Variants in PDE4D observed in about 807,000 individuals in gnomAD.
PDE4D encodes phosphodiesterase 4D, also known as 3',5'-cyclic-AMP phosphodiesterase 4D.
PDE4D carries 24 observed loss-of-function variants against 87.4 expected under a neutral mutation model. The observed-to-expected ratio is 0.27, with a 90% CI of 0.20 to 0.39. The LOEUF (loss-of-function observed/expected upper bound fraction) is 0.39. Among genes scored for constraint, PDE4D ranks in the 10% least tolerant of loss-of-function variants. The pLI is 1.00. For missense variants in PDE4D, 714 were observed against 1,041.0 expected (o/e 0.69, Z 4.32); for synonymous variants, 384 against 383.2 (o/e 1.00, Z -0.02).
intron 1 of PDE4D, among the ~76,000 whole-genome samples, chr5:60,307,044 T>C (rs1413732130): frequency 2.0e-5 from 3 of 152,106 alleles, no homozygotes; most frequent in Non-Finnish European, 2.9e-5. Context: ...ACAAACCTAA[T>C]ACCATACCTG....
intron 1 of PDE4D, among the ~76,000 whole-genome samples, chr5:59,516,463 A>C (rs1811170345): frequency 6.6e-6 from 1 of 152,228 alleles, no homozygotes; most frequent in South Asian, 2.1e-4. Context: ...ATGGACGAAG[A>C]TAACAGTCTA....
intron 1 of PDE4D, among the ~76,000 whole-genome samples, chr5:59,360,581 A>C (rs137902167): frequency 9.7e-4 from 148 of 152,332 alleles, no homozygotes; most frequent in African/African-American, 3.4e-3. Flanking sequence ...ATTCAGTACA[A>C]GTAAATGTAA....
intron 1 of PDE4D, among the ~76,000 whole-genome samples, chr5:59,301,273 A>G (rs1770195833): frequency 6.6e-6 from 1 of 152,148 alleles, no homozygotes; most frequent in South Asian, 2.1e-4. Flanking sequence ...ACCCAACATT[A>G]TAACAAAAGA....
intron 1 of PDE4D, among the ~76,000 whole-genome samples, chr5:59,220,884 A>G (rs2153509681): frequency 6.6e-6 from 1 of 152,134 alleles, no homozygotes; most frequent in African/African-American, 2.4e-5. Context: ...CCAAGCAAAA[A>G]ACTAGAAGTT....
chr5:59,214,346 G>C (rs1283486894), intron 2 of PDE4D, among the ~76,000 whole-genome samples: 1 of 152,012 alleles, frequency 6.6e-6, no homozygotes, highest in Non-Finnish European at 1.5e-5. Flanking sequence ...CTTCTCTCTT[G>C]CCAGGTTTCG....
At chr5:60,430,585 C>A (rs1340327715) in intron 1 of PDE4D, among the ~76,000 whole-genome samples, 1 of 144,034 alleles carries the variant, frequency 6.9e-6, no homozygotes, top group Non-Finnish European at 1.5e-5. Flanking sequence ...GGGTGTTTCT[C>A]GCAGAGGGGG....
intron 1 of PDE4D, among the ~76,000 whole-genome samples, chr5:59,240,513 C>G (rs1757419620): frequency 1.3e-5 from 2 of 152,062 alleles, no homozygotes; most frequent in Non-Finnish European, 1.5e-5. Context: ...GAATGAATGG[C>G]ACATGTCTGT....
intron 2 of PDE4D, among the ~76,000 whole-genome samples, chr5:59,203,411 T>C (rs1452364356): frequency 6.6e-6 from 1 of 152,068 alleles, no homozygotes; most frequent in African/African-American, 2.4e-5. Flanking sequence ...GTACAGTCAC[T>C]ATGGAAAACA....
chr5:60,108,831 C>G (rs1212743701), intron 2 of PDE4D, among the ~76,000 whole-genome samples: 2 of 152,026 alleles, frequency 1.3e-5, no homozygotes, highest in Non-Finnish European at 2.9e-5. Flanking sequence ...AACTGGATCC[C>G]TTCCTTACAC....
chr5:60,376,424 T>C (rs1324275272), intron 1 of PDE4D, among the ~76,000 whole-genome samples: 1 of 152,108 alleles, frequency 6.6e-6, no homozygotes, highest in Non-Finnish European at 1.5e-5. Flanking sequence ...CCAGCATTAC[T>C]CTATAGTGAA....
chr5:60,093,716 C>CTTAT (rs1375445303), intron 2 of PDE4D, among the ~76,000 whole-genome samples: 1 of 152,084 alleles, frequency 6.6e-6, no homozygotes, highest in Non-Finnish European at 1.5e-5. Context: ...TGAAAATATT[C>CTTAT]TTATTTTAAA....
chr5:60,292,916 A>G (rs1753020109), intron 1 of PDE4D, among the ~76,000 whole-genome samples: 1 of 152,162 alleles, frequency 6.6e-6, no homozygotes, highest in Non-Finnish European at 1.5e-5. Flanking sequence ...CTATTATGAC[A>G]TGGTCCAAAA....
rs145599666 is a variant in PDE4D at position 60,234,237 on chromosome 5, AT to A, written c.-89-48551del. Among the ~76,000 whole-genome samples, 336 of 151,874 alleles carry A rather than the reference AT, an allele frequency of 2.2e-3. 3 individuals are homozygous for A. The East Asian group carries it at 0.044, about 20-fold the overall frequency. ...ACTTGCTTCCTTTACTAAGCATAAT[AT>A]TTTCAAGGTTCATCCATGTTGTAGC... On this transcript the variant is annotated intron_variant, in intron 1 of 16. Transcript: ENST00000502484.
intron 1 of PDE4D, among the ~76,000 whole-genome samples, chr5:60,313,739 C>G (rs1357538785): frequency 1.3e-5 from 2 of 152,146 alleles, no homozygotes; most frequent in African/African-American, 4.8e-5. Flanking sequence ...AAAGCTAATT[C>G]AGCATGATTA....
chr5:59,367,515 G>A (rs1783255810), intron 1 of PDE4D, among the ~76,000 whole-genome samples: 1 of 152,050 alleles, frequency 6.6e-6, no homozygotes, highest in Non-Finnish European at 1.5e-5. Flanking sequence ...AGGAATTTTA[G>A]GTTTTTAGTT....
intron 1 of PDE4D, among the ~76,000 whole-genome samples, chr5:59,741,042 C>CA (rs1758755504): frequency 1.3e-5 from 2 of 152,078 alleles, no homozygotes; most frequent in Admixed American, 1.3e-4. Flanking sequence ...AAAAACAAAA[C>CA]AAACAAACAA....
At position 59,951,911 on chromosome 5, in the gene PDE4D, C is replaced by G. The variant is rs139500569; in HGVS notation, c.272+36577G>C. Among the ~76,000 whole-genome samples the G allele has an allele frequency of 2.3e-3, 353 of 152,288 alleles. 3 individuals carry two copies. The highest frequency in any genetic ancestry group is 7.7e-3 in the African/African-American group (318 of 41,552). On this transcript the variant is annotated intron_variant, in intron 3 of 16. Coordinates refer to the PDE4D transcript ENST00000502484. The stretch of plus-strand genomic sequence containing the variant: ...AACATCTCTGTTATTCCCTCAAAAT[C>G]CATCTCATAATGTCAGCCTCCTCAC...
intron 1 of PDE4D, among the ~76,000 whole-genome samples, chr5:59,419,282 G>C (rs1456620932): frequency 6.6e-6 from 1 of 152,064 alleles, no homozygotes; most frequent in African/African-American, 2.4e-5. Context: ...TTGAATTTTT[G>C]TCTGAGCAGT....
chr5:59,489,980 A>G (rs1805886774), intron 1 of PDE4D, among the ~76,000 whole-genome samples: 1 of 152,218 alleles, frequency 6.6e-6, no homozygotes, highest in Admixed American at 6.5e-5. Context: ...TCCTCTAGAG[A>G]TAGTAAAATT....
Sources: gnomAD v4.1 joint callset for allele counts (sites outside exome capture counted in the v4.1 genomes callset) on GRCh38, gnomAD v4.1.1 for gene constraint, MANE v1.5 for transcripts, NCBI Gene and HGNC (gene_info 2026-07-23, HGNC 2026-07-21) for gene names.